The following FAM13A variants were observed in gnomAD, a reference collection of about 807,000 sequenced individuals.
FAM13A encodes family with sequence similarity 13 member A, also known as protein FAM13A.
Under a neutral mutation model 129.6 loss-of-function variants are expected in FAM13A, and 76 were observed. The observed-to-expected ratio is 0.59, with a 90% CI of 0.49 to 0.71. The LOEUF (loss-of-function observed/expected upper bound fraction) is 0.71, where lower values mean the gene tolerates loss of function less well. Ranked by LOEUF, FAM13A falls within the 30% of genes least tolerant of loss-of-function variation. FAM13A has a pLI of 0.00. For synonymous variants in FAM13A, 443 were observed against 449.9 expected, an observed-to-expected ratio of 0.98 and a Z score of 0.20; for missense variants, 1,108 against 1,249.3, an observed-to-expected ratio of 0.89 and a Z score of 1.70.
intron 23 of FAM13A, 135 bp downstream of exon 23, chr4:88,731,191 CA>C: frequency 1.7e-6 from 1 of 586,986 alleles, no homozygotes; most frequent in Non-Finnish European, 3.0e-6. Context: ...GGCACAAACC[CA>C]AGGACCAGGT....
chr4:89,029,391 A>G, intron 2 of FAM13A, 69 bp downstream of exon 2: 1 of 1,217,084 alleles, frequency 8.2e-7, no homozygotes, highest in Non-Finnish European at 1.2e-6. Context: ...TTATGAAATA[A>G]TTCACACAAA....
At chr4:88,761,482 C>A (rs1327302251) in intron 13 of FAM13A, among the ~76,000 whole-genome samples, 1 of 152,126 alleles carries the variant, frequency 6.6e-6, no homozygotes, top group Non-Finnish European at 1.5e-5. Flanking sequence ...CGTCATGAAT[C>A]AGCAACAGAA....
At chr4:88,813,598 C>T (rs935587668) in intron 7 of FAM13A, among the ~76,000 whole-genome samples, 2 of 152,138 alleles carry the variant, frequency 1.3e-5, no homozygotes, top group African/African-American at 4.8e-5. Context: ...GGTTTGTTAA[C>T]ACAGTTTTAA....
chr4:88,894,711 AG>A (rs1022006848), intron 6 of FAM13A, among the ~76,000 whole-genome samples: 2 of 152,070 alleles, frequency 1.3e-5, no homozygotes, highest in African/African-American at 4.8e-5. Context: ...GAGTAGAGAC[AG>A]GGTTTTGCCA....
At chr4:88,755,413 A>G (rs540625380) in intron 14 of FAM13A, among the ~76,000 whole-genome samples, 1 of 152,330 alleles carries the variant, frequency 6.6e-6, no homozygotes, top group Admixed American at 6.5e-5. Context: ...TACTGTATCT[A>G]CTATTCATTA....
At chr4:88,839,574 A>G (rs990917798) in intron 7 of FAM13A, among the ~76,000 whole-genome samples, 9 of 152,198 alleles carry the variant, frequency 5.9e-5, no homozygotes, top group African/African-American at 1.7e-4. Context: ...GACTTGTTCA[A>G]CTGGCAGGGG....
At chr4:88,808,884 T>C (rs1044855572) in intron 7 of FAM13A, among the ~76,000 whole-genome samples, 1 of 152,274 alleles carries the variant, frequency 6.6e-6, no homozygotes, top group Middle Eastern at 3.4e-3. Flanking sequence ...TCAAAATAAC[T>C]GCTTGTAGGA....
At chr4:88,876,205 G>A (rs905678941) in intron 6 of FAM13A, among the ~76,000 whole-genome samples, 18 of 152,034 alleles carry the variant, frequency 1.2e-4, no homozygotes, top group African/African-American at 2.4e-4. Flanking sequence ...ACGAGTTAAT[G>A]GGTGCAGCAC....
At chr4:88,887,018 C>T (rs547528110) in intron 6 of FAM13A, among the ~76,000 whole-genome samples, 3 of 152,224 alleles carry the variant, frequency 2.0e-5, no homozygotes, top group African/African-American at 7.2e-5. Context: ...AATTAGAGAC[C>T]ATTATTCTAA....
intron 6 of FAM13A, among the ~76,000 whole-genome samples, chr4:88,871,550 T>C (rs947136447): frequency 1.3e-5 from 2 of 152,126 alleles, no homozygotes; most frequent in Non-Finnish European, 2.9e-5. Flanking sequence ...GTATCAGTGA[T>C]GGAAGATCAA....
Position 88,750,615 on chromosome 4 carries a change from G to T in FAM13A, c.1749C>A (p.Ser583=). ...CAGAGTCACTGTTCTCCCGCTGCCAGGAGGAGAAAGCAGGGATAGGCTCTG... is the reference window on the plus strand; with the variant it reads ...CAGAGTCACTGTTCTCCCGCTGCCATGAGGAGAAAGCAGGGATAGGCTCTG... ...NWEEPIPAFS[S]WQRENSDSDE... is the part of the protein sequence containing the mutation. Residue 583 remains serine (S), a synonymous_variant, in exon 15 of 24, where the codon TCC becomes TCA. Transcript: ENST00000264344. 1 of 1,613,624 alleles carries T rather than the reference G, an allele frequency of 6.2e-7. No individual in the cohort carries two copies. The highest frequency in any genetic ancestry group is 8.5e-7 in the Non-Finnish European group (1 of 1,179,964).
intron 19 of FAM13A, 73 bp from the exon 20 acceptor site, chr4:88,739,198 G>A: frequency 1.0e-6 from 1 of 993,050 alleles, no homozygotes; most frequent in Non-Finnish European, 1.6e-6. Flanking sequence ...GCATGCTCTG[G>A]GCCTTTGTAA....
At chr4:89,019,761 C>CA (rs61682568) in intron 3 of FAM13A, among the ~76,000 whole-genome samples, 1,674 of 57,318 alleles carry the variant, frequency 0.029, 51 homozygotes, top group Non-Finnish European at 0.036. Context: ...AACTACATCT[C>CA]AAAAAAAAAA....
At chr4:88,829,847 G>GT (rs2149874878) in intron 7 of FAM13A, among the ~76,000 whole-genome samples, 1 of 152,334 alleles carries the variant, frequency 6.6e-6, no homozygotes, top group Non-Finnish European at 1.5e-5. Flanking sequence ...TGCTCAGCTA[G>GT]TAAGTGGCTG....
rs1196315398 is a variant in FAM13A, at chr4:88,922,907, G to C, written c.759+15181C>G. 2.0e-5 allele frequency among the ~76,000 whole-genome samples: 3 copies of C among 152,270 alleles called. No homozygotes were observed. In the East Asian group the frequency reaches 5.8e-4, roughly 29 times the overall value. ...CACAGAAATTCAAACTACCATCAGAGAATACTACAAACACCTCTACGCAAA... is the reference window on the plus strand; with the variant it reads ...CACAGAAATTCAAACTACCATCAGACAATACTACAAACACCTCTACGCAAA... On this transcript the variant is annotated intron_variant, in intron 5 of 23. Coordinates refer to ENST00000264344, the MANE Select transcript of FAM13A (RefSeq NM_014883.4).
chr4:88,895,241 T>C (rs536751611), intron 6 of FAM13A, among the ~76,000 whole-genome samples: 88 of 152,266 alleles, frequency 5.8e-4, no homozygotes, highest in African/African-American at 2.0e-3. Context: ...TGGAAACCCA[T>C]AACATAAATA....
chr4:88,737,417 A>T, intron 21 of FAM13A, 55 bp downstream of exon 21: 1 of 1,428,864 alleles, frequency 7.0e-7, no homozygotes, highest in Non-Finnish European at 9.9e-7. Flanking sequence ...AGGGGAGGGG[A>T]GGAGGGAGGG....
intron 6 of FAM13A, among the ~76,000 whole-genome samples, chr4:88,905,300 A>AT (rs149645672): frequency 6.6e-5 from 10 of 151,778 alleles, no homozygotes; most frequent in South Asian, 6.2e-4. Flanking sequence ...ATCCTGGCTA[A>AT]TTTTTTTTGT....
At chr4:89,053,557 T>C (rs1332960161) in intron 1 of FAM13A, among the ~76,000 whole-genome samples, 2 of 152,072 alleles carry the variant, frequency 1.3e-5, no homozygotes, top group Admixed American at 6.6e-5. Context: ...TGGAAGGTAG[T>C]TGATGGTACC....
Sources: allele counts gnomAD v4.1 joint callset (sites outside exome capture counted in the v4.1 genomes callset), GRCh38; gene constraint gnomAD v4.1.1; transcripts MANE v1.5; gene names NCBI Gene and HGNC (gene_info 2026-07-23, HGNC 2026-07-21).